The following TMEM117 variants were observed in gnomAD, a reference collection of about 807,000 sequenced individuals.
TMEM117 encodes the protein transmembrane protein 117.
In TMEM117, 27 loss-of-function variants were observed where a neutral mutation model predicts 52.4. The observed-to-expected ratio is 0.51, with a 90% CI of 0.38 to 0.71. The LOEUF is 0.71. Ranked by LOEUF, TMEM117 falls within the 30% of genes least tolerant of loss-of-function variation. The pLI is 0.00. For synonymous variants in TMEM117, 215 were observed against 206.3 expected (o/e 1.04, Z -0.36); for missense variants, 556 against 630.5 (o/e 0.88, Z 1.26).
the TMEM117 span, chr12:43,800,560 A>G: frequency 2.0e-6 from 3 of 1,534,994 alleles, no homozygotes; most frequent in African/African-American, 1.4e-5. Flanking sequence ...TACTTAGTTT[A>G]TAGATGAAAA....
chr12:43,930,482 A>G (rs552488952), intron 2 of TMEM117, among the ~76,000 whole-genome samples: 1 of 152,158 alleles, frequency 6.6e-6, no homozygotes, highest in East Asian at 1.9e-4. Flanking sequence ...TCCCTATGAC[A>G]CTGAAAATCA....
chr12:44,329,216 A>T (rs1474448001), intron 6 of TMEM117, among the ~76,000 whole-genome samples: 1 of 152,172 alleles, frequency 6.6e-6, no homozygotes, highest in African/African-American at 2.4e-5. Context: ...CAGTGCAAAC[A>T]TACAGAATAG....
At chr12:44,075,510 A>G (rs181487259) in intron 3 of TMEM117, among the ~76,000 whole-genome samples, 171 of 152,332 alleles carry the variant, frequency 1.1e-3, no homozygotes, top group African/African-American at 4.0e-3. Context: ...GGTCTCAAAA[A>G]TTAAGTAGCT....
chr12:43,868,645 A>G (rs188949963), intron 2 of TMEM117, among the ~76,000 whole-genome samples: 393 of 152,168 alleles, frequency 2.6e-3, no homozygotes, highest in Middle Eastern at 6.8e-3. Context: ...TAAATTATAA[A>G]ATATTTCTAA....
At chr12:44,373,945 C>T (rs893873766) in intron 6 of TMEM117, among the ~76,000 whole-genome samples, 1 of 151,862 alleles carries the variant, frequency 6.6e-6, no homozygotes, top group African/African-American at 2.4e-5. Context: ...CCACACCTGG[C>T]TAATTTTTGT....
chr12:44,313,155 T>A (rs895355549), intron 6 of TMEM117, among the ~76,000 whole-genome samples: 2 of 152,222 alleles, frequency 1.3e-5, no homozygotes, highest in African/African-American at 2.4e-5. Flanking sequence ...CAGTTGCTTT[T>A]GAGGACTTAG....
chr12:43,867,527 A>G (rs1943624274), intron 2 of TMEM117, among the ~76,000 whole-genome samples: 2 of 152,232 alleles, frequency 1.3e-5, no homozygotes, highest in Admixed American at 1.3e-4. Context: ...ATTACAAGGC[A>G]GAGATTGTCA....
At chr12:44,184,943 G>A (rs1014707965) in intron 4 of TMEM117, among the ~76,000 whole-genome samples, 1 of 152,148 alleles carries the variant, frequency 6.6e-6, no homozygotes, top group Middle Eastern at 3.4e-3. Context: ...TTGCTTGTAC[G>A]CCTCCCTCTG....
chr12:44,308,042 A>G (rs1205324189), intron 6 of TMEM117, among the ~76,000 whole-genome samples: 1 of 152,214 alleles, frequency 6.6e-6, no homozygotes, highest in Non-Finnish European at 1.5e-5. Context: ...GAGATCACTC[A>G]GGTTTTTATG....
At chr12:43,857,432 T>A (rs1461768992) in intron 2 of TMEM117, among the ~76,000 whole-genome samples, 4 of 151,354 alleles carry the variant, frequency 2.6e-5, no homozygotes, top group African/African-American at 9.7e-5. Context: ...CCATGGGAGG[T>A]AATGCTAGAA....
intron 2 of TMEM117, among the ~76,000 whole-genome samples, chr12:43,888,523 CT>C (rs1944040088): frequency 6.9e-6 from 1 of 143,924 alleles, no homozygotes; most frequent in Non-Finnish European, 1.5e-5. Context: ...TTATTGTGTA[CT>C]TTTGTGCACA....
intron 3 of TMEM117, among the ~76,000 whole-genome samples, chr12:44,135,505 C>T (rs1275027266): frequency 6.6e-6 from 1 of 152,120 alleles, no homozygotes; most frequent in African/African-American, 2.4e-5. Context: ...TTCTCCCTTC[C>T]CCATATCACT....
intron 2 of TMEM117, among the ~76,000 whole-genome samples, chr12:43,890,062 C>A (rs1944074833): frequency 1.3e-5 from 2 of 152,248 alleles, no homozygotes; most frequent in South Asian, 4.1e-4. Context: ...ACAATCTTCC[C>A]AGCAGCTTGG....
chr12:43,897,811 A>G (rs1327604913), intron 2 of TMEM117, among the ~76,000 whole-genome samples: 3 of 151,784 alleles, frequency 2.0e-5, no homozygotes, highest in South Asian at 2.1e-4. Context: ...AGGTGTCACC[A>G]TGTTGGCCAG....
At chr12:44,255,409 A>T (rs1422813355) in intron 5 of TMEM117, among the ~76,000 whole-genome samples, 1 of 152,200 alleles carries the variant, frequency 6.6e-6, no homozygotes, top group Non-Finnish European at 1.5e-5. Context: ...CATCAGAGAA[A>T]TGCAAATTGA....
Position 44,041,453 on chromosome 12 carries a change from AATGTTTTCATAT to A in TMEM117, c.410+97119_410+97130del, listed in dbSNP as rs1047425632. Among the ~76,000 whole-genome samples the A allele has an allele frequency of 9.9e-5, 15 of 152,132 alleles. No individual in the cohort carries two copies. In the East Asian group the frequency reaches 2.9e-3, roughly 29 times the overall value. On this transcript the variant is annotated intron_variant, in intron 3 of 7. Transcript: ENST00000266534. The stretch of plus-strand genomic sequence containing the variant: ...TAAGCTGCTTGCACTACCTCTCAGT[AATGTTTTCATAT>A]ATGTTTTTCCTTTCCTTCCAACTTT...
intron 2 of TMEM117, among the ~76,000 whole-genome samples, chr12:43,853,959 T>G (rs1033702736): frequency 6.6e-6 from 1 of 151,960 alleles, no homozygotes. Flanking sequence ...ACAACTCAGC[T>G]TTTTTTTGGA....
intron 2 of TMEM117, among the ~76,000 whole-genome samples, chr12:43,891,592 C>T (rs1211859911): frequency 6.6e-6 from 1 of 151,248 alleles, no homozygotes; most frequent in African/African-American, 2.4e-5. Context: ...GGTCTCGATC[C>T]CCTGACCTCA....
the TMEM117 span, among the ~76,000 whole-genome samples, chr12:43,814,673 G>A: frequency 6.6e-6 from 1 of 151,742 alleles, no homozygotes; most frequent in Non-Finnish European, 1.5e-5. Flanking sequence ...AGGCTGTTCT[G>A]CTGCATTACC....
Sources: allele counts gnomAD v4.1 joint callset (sites outside exome capture counted in the v4.1 genomes callset), GRCh38; gene constraint gnomAD v4.1.1; transcripts MANE v1.5; gene names NCBI Gene and HGNC (gene_info 2026-07-23, HGNC 2026-07-21).